AGO3: variants seen among roughly 807,000 people sequenced by gnomAD.
The protein encoded by AGO3 is protein argonaute-3.
Under a neutral mutation model 105.5 loss-of-function variants are expected in AGO3, and 16 were observed. The observed-to-expected ratio is 0.15, with a 90% CI of 0.10 to 0.23. AGO3 has a LOEUF of 0.23. Among genes scored for constraint, AGO3 ranks in the 10% least tolerant of loss-of-function variants. AGO3 has a pLI of 1.00. For missense variants in AGO3, 534 were observed against 1,088.0 expected (o/e 0.49, Z 7.16); for synonymous variants, 340 against 367.3 (o/e 0.93, Z 0.85).
chr1:35,955,874 C>T (rs1408049787), intron 2 of AGO3, among the ~76,000 whole-genome samples: 1 of 152,110 alleles, frequency 6.6e-6, no homozygotes, highest in East Asian at 1.9e-4. Context: ...GAATTACAGG[C>T]GTGAGCCACT....
At chr1:35,998,395 CAG>C (rs1007873153) in intron 5 of AGO3, among the ~76,000 whole-genome samples, 6 of 152,132 alleles carry the variant, frequency 3.9e-5, no homozygotes, top group Admixed American at 2.0e-4. Context: ...CTTTTGGAGA[CAG>C]GGAATTTCTC....
In AGO3 at chr1:36,071,411, T is replaced by C. The variant is rs974504342; in HGVS notation, c.*15666T>C. On this transcript the variant is annotated 3_prime_UTR_variant, in exon 19 of 19. Coordinates refer to ENST00000373191, the MANE Select transcript of AGO3 (RefSeq NM_024852.4). ...CGTGTGTGCCTATTTGTATTGCAGATGTGAACTACTATTTTTGGAGGTTGA... is the reference window on the plus strand; with the variant it reads ...CGTGTGTGCCTATTTGTATTGCAGACGTGAACTACTATTTTTGGAGGTTGA... 5 of 152,228 alleles carry C rather than the reference T, an allele frequency of 3.3e-5. No individual in the cohort carries two copies. The highest frequency in any genetic ancestry group is 7.3e-5 in the Non-Finnish European group (5 of 68,044). The allele number at this position is 152,228 out of a possible 1,614,324, so 9.4% of individuals were successfully genotyped here. A position where few individuals can be genotyped will look rare whatever the true frequency, so the allele number is the denominator to read the frequency against.
intron 5 of AGO3, among the ~76,000 whole-genome samples, chr1:35,975,507 C>T (rs552492496): frequency 3.4e-4 from 52 of 151,416 alleles, no homozygotes; most frequent in African/African-American, 1.2e-3. Flanking sequence ...ACCTAGGTTG[C>T]TATTTGTCTT....
intron 2 of AGO3, among the ~76,000 whole-genome samples, chr1:35,964,705 G>A (rs1309221673): frequency 1.3e-5 from 2 of 152,142 alleles, no homozygotes; most frequent in Non-Finnish European, 2.9e-5. Flanking sequence ...TTGCCACACT[G>A]CTTTCCACAA....
Position 35,972,187 on chromosome 1 carries a change from C to T in AGO3, c.476C>T (p.Pro159Leu). 1 of 1,614,096 alleles carries T rather than the reference C, an allele frequency of 6.2e-7. No homozygotes were observed. Among genetic ancestry groups the T allele is most frequent in the Non-Finnish European group, 8.5e-7 (1 of 1,180,034 alleles). Residue 159 changes from proline (P) to leucine (L), a missense_variant, in exon 4 of 19, where the codon CCT becomes CTT. By Grantham distance (98) the Pro-to-Leu change is moderately conservative (BLOSUM62 -3). Transcript: ENST00000373191. ...LELDKPISTNPVHAVDVVLRH... is the reference protein window; with the variant it reads ...LELDKPISTNLVHAVDVVLRH... ...TTAGACAAGCCAATCAGCACTAACC[C>T]TGTCCATGCCGTTGATGTGGTGCTA...
At position 35,972,167 on chromosome 1, in the gene AGO3, C is replaced by T. The variant is rs78625682; in HGVS notation, c.456C>T (p.Asp152=). 6.2e-6 allele frequency: 10 copies of T among 1,613,926 alleles called. No homozygotes were observed. In the East Asian group the frequency reaches 2.2e-4, roughly 36 times the overall value. The part of the protein sequence containing the change: ...GRTLPEPLEL[D]KPISTNPVHA... ...CCTTGCCTGAGCCACTGGAATTAGACAAGCCAATCAGCACTAACCCTGTCC... is the reference window on the plus strand; with the variant it reads ...CCTTGCCTGAGCCACTGGAATTAGATAAGCCAATCAGCACTAACCCTGTCC... The change falls in exon 4 of 19, where the codon GAC becomes GAT. Residue 152 remains aspartate, a synonymous_variant. Coordinates refer to ENST00000373191, the MANE Select transcript of AGO3 (RefSeq NM_024852.4).
intron 5 of AGO3, 132 bp from the exon 6 acceptor site, chr1:36,004,209 G>T: frequency 1.1e-6 from 1 of 947,160 alleles, no homozygotes; most frequent in Non-Finnish European, 1.5e-6. Context: ...CTTAATTTTG[G>T]AAATTTGTAT....
At chr1:36,015,060 G>A (rs1378519520) in intron 11 of AGO3, among the ~76,000 whole-genome samples, 1 of 152,066 alleles carries the variant, frequency 6.6e-6, no homozygotes, top group South Asian at 2.1e-4. Flanking sequence ...CCTGGAAATA[G>A]CATCAGATTC....
intron 2 of AGO3, among the ~76,000 whole-genome samples, chr1:35,946,944 T>C (rs1490058524): frequency 6.6e-6 from 1 of 152,164 alleles, no homozygotes; most frequent in African/African-American, 2.4e-5. Context: ...GTTAAGGGAT[T>C]TAGTCAAGAA....
At chr1:36,052,497 G>A (rs1473406187) in intron 17 of AGO3, among the ~76,000 whole-genome samples, 3 of 152,088 alleles carry the variant, frequency 2.0e-5, no homozygotes, top group Non-Finnish European at 4.4e-5. Flanking sequence ...ACTATAGGAT[G>A]GCTGTAATTA....
chr1:36,023,046 A>T (rs1425652416), intron 11 of AGO3, among the ~76,000 whole-genome samples: 2 of 152,206 alleles, frequency 1.3e-5, no homozygotes, highest in Admixed American at 1.3e-4. Context: ...ATTAACTGCC[A>T]GTTTCTTCCT....
At chr1:36,049,163 C>T (rs1328897889) in intron 17 of AGO3, among the ~76,000 whole-genome samples, 1 of 152,120 alleles carries the variant, frequency 6.6e-6, no homozygotes, top group East Asian at 1.9e-4. Flanking sequence ...CACACATGGA[C>T]ATAACATGGG....
At chr1:35,957,101 G>A (rs112343937) in intron 2 of AGO3, among the ~76,000 whole-genome samples, 1,581 of 152,158 alleles carry the variant, frequency 0.01, 28 homozygotes, top group African/African-American at 0.036. Context: ...TGTAATCTCA[G>A]CCCTTTGGGA....
intron 17 of AGO3, among the ~76,000 whole-genome samples, chr1:36,048,289 TTCAATCAATCAA>T (rs139653844): frequency 1.3e-5 from 2 of 151,918 alleles, no homozygotes; most frequent in Non-Finnish European, 2.9e-5. Flanking sequence ...GTCTCAATCA[TTCAATCAATCAA>T]TCAATCAATC....
intron 8 of AGO3, 62 bp from the exon 9 acceptor site, chr1:36,009,413 C>G: frequency 6.7e-7 from 1 of 1,502,356 alleles, no homozygotes. Flanking sequence ...GTAATTGGCA[C>G]TAAGTAAGAG....
intron 17 of AGO3, among the ~76,000 whole-genome samples, chr1:36,050,203 C>T (rs778529916): frequency 3.3e-5 from 5 of 152,234 alleles, no homozygotes; most frequent in Admixed American, 6.5e-5. Context: ...ATAATGGAGG[C>T]GGTCAGGTGT....
intron 2 of AGO3, among the ~76,000 whole-genome samples, chr1:35,963,684 T>G (rs1386410919): frequency 6.6e-6 from 1 of 151,866 alleles, no homozygotes; most frequent in Non-Finnish European, 1.5e-5. Flanking sequence ...AAAAAAAAAC[T>G]ATGAACATAA....
At chr1:35,993,076 T>TA (rs1332342727) in intron 5 of AGO3, among the ~76,000 whole-genome samples, 1 of 152,228 alleles carries the variant, frequency 6.6e-6, no homozygotes, top group Non-Finnish European at 1.5e-5. Flanking sequence ...CATTGAAAGT[T>TA]ACATTCTTTT....
At chr1:35,963,716 C>G (rs1218079835) in intron 2 of AGO3, among the ~76,000 whole-genome samples, 3 of 151,824 alleles carry the variant, frequency 2.0e-5, no homozygotes, top group Non-Finnish European at 4.4e-5. Flanking sequence ...TTAAAATAAT[C>G]CAGGTACAAG....
Sources: allele counts gnomAD v4.1 joint callset (sites outside exome capture counted in the v4.1 genomes callset), GRCh38; gene constraint gnomAD v4.1.1; transcripts MANE v1.5; gene names NCBI Gene and HGNC (gene_info 2026-07-23, HGNC 2026-07-21).